CNPY3: variants seen among roughly 807,000 people sequenced by gnomAD.
The protein encoded by CNPY3 is canopy FGF signaling regulator 3, also known as protein canopy homolog 3.
A neutral mutation model predicts 32.0 loss-of-function variants in CNPY3; 20 were observed. That is an observed-to-expected ratio of 0.63 (90% CI 0.44 to 0.91). CNPY3 has a LOEUF of 0.91. CNPY3 is among the 40% of genes least tolerant of loss of function. The probability of loss-of-function intolerance (pLI) is 0.00; values close to 1 mark genes in which losing one functional copy is unlikely to be tolerated. For missense variants in CNPY3, 299 were observed against 340.8 expected, an observed-to-expected ratio of 0.88 and a Z score of 0.97; for synonymous variants, 138 against 142.9, an observed-to-expected ratio of 0.97 and a Z score of 0.24.
intron 3 of CNPY3, among the ~76,000 whole-genome samples, chr6:42,937,192 A>G (rs1768292574): frequency 6.6e-6 from 1 of 152,156 alleles, no homozygotes; most frequent in Non-Finnish European, 1.5e-5. Context: ...CATAAAGCCA[A>G]AGGGCCTGAG....
At chr6:42,935,109 C>A (rs1015824093) in intron 2 of CNPY3, among the ~76,000 whole-genome samples, 1 of 152,146 alleles carries the variant, frequency 6.6e-6, no homozygotes, top group Admixed American at 6.6e-5. Context: ...CTGAGATGAT[C>A]CGCCTGCCTC....
intron 1 of CNPY3, among the ~76,000 whole-genome samples, chr6:42,932,386 G>C (rs1468557280): frequency 6.6e-6 from 1 of 152,132 alleles, no homozygotes; most frequent in East Asian, 1.9e-4. Context: ...AACAGGCCTC[G>C]GCACAGAGGA....
chr6:42,929,819 C>G lies in CNPY3; in HGVS notation c.151+98C>G, dbSNP rs1721520186. The G allele has an allele frequency of 3.0e-6, 4 of 1,354,238 alleles. No individual in the cohort carries two copies. The South Asian group carries it at 4.3e-5, about 14-fold the overall frequency. The allele number at this position is 1,354,238 out of a possible 1,614,324, so 83.9% of individuals were successfully genotyped here. A position where few individuals can be genotyped will look rare whatever the true frequency, so the allele number is the denominator to read the frequency against. ...GTCGGGGGTTGCAAGGTTCCGAGCTCTGCAGGGTGTCTTCCTTCCTTGAAC... is the reference window on the plus strand; with the variant it reads ...GTCGGGGGTTGCAAGGTTCCGAGCTGTGCAGGGTGTCTTCCTTCCTTGAAC... On this transcript the variant is annotated intron_variant, in intron 1 of 5. Transcript: ENST00000372836.
chr6:42,932,952 TCAA>T (rs1767938008), intron 1 of CNPY3, among the ~76,000 whole-genome samples: 1 of 152,152 alleles, frequency 6.6e-6, no homozygotes, highest in South Asian at 2.1e-4. Flanking sequence ...ACGGTCTCTA[TCAA>T]CAAGATTTAT....
upstream of CNPY3, chr6:42,929,123 G>C (rs1767548649): frequency 6.3e-6 from 1 of 159,254 alleles, no homozygotes; most frequent in Admixed American, 6.4e-5. Flanking sequence ...TCGAGGAGGC[G>C]GAGAAAGCCG....
chr6:42,935,531 G>A (rs371694689), intron 2 of CNPY3, 43 bp from the exon 3 acceptor site: 40 of 1,586,402 alleles, frequency 2.5e-5, no homozygotes, highest in South Asian at 1.4e-4. Context: ...AACCCACTGC[G>A]GCTAGGAGGG....
Position 42,929,635 on chromosome 6 carries a change from T to TGCTGCTGCTGCC in CNPY3, c.67_78dup (p.Leu23_Pro26dup), listed in dbSNP as rs1164232067. On this transcript the variant is annotated inframe_insertion, in exon 1 of 6. Coordinates refer to ENST00000372836, the MANE Select transcript of CNPY3 (RefSeq NM_006586.5). ...CTTCTTCCCTTGCTGCTGCTGCTGC[T>TGCTGCTGCTGCC]GCTGCTGCTGCCGGCCCCGGAGCTG... 2 of 1,556,014 alleles carry TGCTGCTGCTGCC rather than the reference T, an allele frequency of 1.3e-6. No homozygotes were observed. The highest frequency in any genetic ancestry group is 1.7e-6 in the Non-Finnish European group (2 of 1,150,962).
At chr6:42,929,866 G>A in intron 1 of CNPY3, 145 bp downstream of exon 1, 2 of 961,828 alleles carry the variant, frequency 2.1e-6, no homozygotes, top group Non-Finnish European at 3.0e-6. Context: ...GGGACGCTGC[G>A]GCGGACGAGA....
Position 42,929,715 on chromosome 6 carries a change from T to TG in CNPY3, c.146dup (p.Cys49TrpfsTer5). 1.3e-6 allele frequency: 2 copies of TG among 1,545,772 alleles called. No individual in the cohort carries two copies. The highest frequency in any genetic ancestry group is 1.7e-6 in the Non-Finnish European group (2 of 1,143,776). ...CGACTGGGTTCGCCTGCCCAGCAAA[T>TG]GCGAAGGTGAGGAGGCGGGGCCCGT... On this transcript the variant is annotated frameshift_variant, in exon 1 of 6. Transcript: ENST00000372836. LOFTEE classifies it high-confidence loss of function.
Position 42,938,666 on chromosome 6 carries a change from G to T in CNPY3, c.712G>T (p.Gly238Cys). The change falls in exon 6 of 6, where the codon GGC becomes TGC. Residue 238 changes from glycine to cysteine, a missense_variant. Physicochemically the swap from Gly to Cys is radical, Grantham distance 159. Transcript: ENST00000372836. ...GAGCAGCAGGGCCAAGGCAGCAGGC[G>T]GCAGGAGTAGCAGCAGCAAACAAAG... ...KKSSRAKAAG[G>C]RSSSSKQRKE... is the part of the protein sequence containing the mutation. 1 of 1,613,532 alleles carries T rather than the reference G, an allele frequency of 6.2e-7. No homozygotes were observed.
intron 2 of CNPY3, among the ~76,000 whole-genome samples, chr6:42,935,136 G>A (rs953758514): frequency 1.3e-5 from 2 of 152,074 alleles, no homozygotes; most frequent in African/African-American, 4.8e-5. Context: ...CCAAAGTGCT[G>A]GGATTACAGG....
rs193021383 is a variant in CNPY3 at position 42,938,630 on chromosome 6, T to G, written c.676T>G (p.Ser226Ala). Residue 226 changes from serine (S) to alanine (A), a missense_variant, in exon 6 of 6, where the codon TCC becomes GCC. Ser to Ala is a moderately conservative substitution (Grantham distance 99). Coordinates refer to ENST00000372836, the MANE Select transcript of CNPY3 (RefSeq NM_006586.5). ...GDTAALGGKK[S>A]KKKSSRAKAA... The stretch of plus-strand genomic sequence containing the variant: ...CACAGCTGCCCTGGGAGGGAAGAAG[T>G]CCAAGAAGAAGAGCAGCAGGGCCAA... 20 of 1,610,604 alleles carry G rather than the reference T, an allele frequency of 1.2e-5. No homozygotes were observed. The Admixed American group carries it at 2.5e-4, about 20-fold the overall frequency.
upstream of CNPY3, among the ~76,000 whole-genome samples, chr6:42,928,333 G>GC (rs529429590): frequency 4.5e-4 from 68 of 150,900 alleles, no homozygotes; most frequent in African/African-American, 1.5e-3. Flanking sequence ...AGATGGGGGG[G>GC]GTGTCTCGCT....
chr6:42,931,341 G>C (rs1767798946), intron 1 of CNPY3, among the ~76,000 whole-genome samples: 1 of 149,618 alleles, frequency 6.7e-6, no homozygotes, highest in Admixed American at 6.7e-5. Flanking sequence ...GCCTTACAAA[G>C]TATTGGGATT....
chr6:42,928,731 GCA>G (rs1203561462), upstream of CNPY3, among the ~76,000 whole-genome samples: 1 of 152,104 alleles, frequency 6.6e-6, no homozygotes, highest in Non-Finnish European at 1.5e-5. Flanking sequence ...AAATAATAGG[GCA>G]GTAAAAGGGG....
At chr6:42,929,995 G>C (rs1389967828) in intron 1 of CNPY3, among the ~76,000 whole-genome samples, 12 of 151,778 alleles carry the variant, frequency 7.9e-5, no homozygotes, top group Admixed American at 7.9e-4. Context: ...CGGACGAGGA[G>C]CATCTGGTCT....
rs779877202 is a variant in CNPY3, at chr6:42,934,597, T to C, written c.274T>C (p.Ser92Pro). 1 of 1,613,764 alleles carries C rather than the reference T, an allele frequency of 6.2e-7. No homozygotes were observed. The highest frequency in any genetic ancestry group is 1.7e-5 in the Admixed American group (1 of 60,012). Residue 92 changes from serine to proline, a missense_variant and splice_region_variant, in exon 2 of 6, where the codon TCG becomes CCG. Coordinates refer to ENST00000372836, the MANE Select transcript of CNPY3 (RefSeq NM_006586.5). ...GGCCTCTGGAGTCAAATACACCAAG[T>C]CGTAAGTGAATGGGGACTCACTGGC... is the stretch of plus-strand genomic sequence containing the variant. ...QKASGVKYTK[S>P]DLRLIEVTET...
upstream of CNPY3, among the ~76,000 whole-genome samples, chr6:42,928,383 G>C (rs1195013917): frequency 6.6e-6 from 1 of 151,628 alleles, no homozygotes; most frequent in Non-Finnish European, 1.5e-5. Flanking sequence ...GCCTCAAGCA[G>C]TTCTCCCTTC....
At chr6:42,928,344 A>T (rs991604426), upstream of CNPY3, among the ~76,000 whole-genome samples, 1 of 150,378 alleles carries the variant, frequency 6.6e-6, no homozygotes, top group Non-Finnish European at 1.5e-5. Flanking sequence ...GTGTCTCGCT[A>T]TGTTGACCAG....
Sources: gnomAD v4.1 joint callset for allele counts (sites outside exome capture counted in the v4.1 genomes callset) on GRCh38, gnomAD v4.1.1 for gene constraint, MANE v1.5 for transcripts, NCBI Gene and HGNC (gene_info 2026-07-23, HGNC 2026-07-21) for gene names.